Variants in MROH1 observed in about 807,000 individuals in gnomAD.
The protein encoded by MROH1 is maestro heat-like repeat-containing protein family member 1.
MROH1 carries 117 observed loss-of-function variants against 116.5 expected under a neutral mutation model. The observed-to-expected ratio is 1.00, with a 90% CI of 0.86 to 1.17. The LOEUF (loss-of-function observed/expected upper bound fraction) is 1.17. Ranked by LOEUF, MROH1 falls within the 50% of genes most tolerant of loss-of-function variation. MROH1 has a pLI of 0.00. For missense variants in MROH1, 1,873 were observed against 1,338.5 expected (o/e 1.40, Z -6.23); for synonymous variants, 921 against 583.9 (o/e 1.58, Z -8.32).
intron 1 of MROH1, among the ~76,000 whole-genome samples, chr8:144,159,944 A>C (rs1229548635): frequency 1.3e-5 from 2 of 151,690 alleles, no homozygotes; most frequent in Admixed American, 1.3e-4. Flanking sequence ...AATTTATTGT[A>C]TTTTTTAGTA....
At chr8:144,245,464 C>A (rs887058240) in intron 29 of MROH1, among the ~76,000 whole-genome samples, 12 of 152,250 alleles carry the variant, frequency 7.9e-5, no homozygotes, top group Non-Finnish European at 1.5e-4. Context: ...CAGGGGTCCA[C>A]TGTTAGCCGG....
At chr8:144,247,219 C>T in intron 29 of MROH1, 82 bp from the exon 30 acceptor site, 1 of 716,998 alleles carries the variant, frequency 1.4e-6, no homozygotes, top group East Asian at 2.6e-5. Context: ...GGCCACACTC[C>T]AGCCCTCCTC....
intron 12 of MROH1, among the ~76,000 whole-genome samples, chr8:144,206,114 A>T (rs1394096355): frequency 6.6e-6 from 1 of 152,226 alleles, no homozygotes; most frequent in Non-Finnish European, 1.5e-5. Context: ...CGGTGGCACG[A>T]TCACAGCTCA....
chr8:144,164,422 A>AG (rs1462010700), intron 3 of MROH1, among the ~76,000 whole-genome samples: 2 of 151,548 alleles, frequency 1.3e-5, no homozygotes, highest in East Asian at 1.9e-4. Context: ...AAAAAAAAAA[A>AG]AAGACAGGGT....
intron 4 of MROH1, among the ~76,000 whole-genome samples, chr8:144,174,032 C>A (rs1328237116): frequency 6.6e-6 from 1 of 152,160 alleles, no homozygotes; most frequent in East Asian, 1.9e-4. Flanking sequence ...AGGCCACCTC[C>A]CCTCTGCCAA....
intron 1 of MROH1, among the ~76,000 whole-genome samples, chr8:144,157,205 C>T (rs1193605031): frequency 6.6e-6 from 1 of 152,112 alleles, no homozygotes; most frequent in Non-Finnish European, 1.5e-5. Flanking sequence ...ATCCGCCTGC[C>T]TCAGCCTCCC....
chr8:144,200,415 C>T lies in MROH1; in HGVS notation c.1028-13C>T, dbSNP rs755333856. On this transcript the variant is annotated splice_polypyrimidine_tract_variant and intron_variant, in intron 11 of 43. Transcript: ENST00000326134. The stretch of plus-strand genomic sequence containing the variant: ...GATGACATGGAGCCTAATCTGTACC[C>T]GTTGCCCTGTAGCCTGCAGCTCGCC... 1.5e-5 allele frequency: 23 copies of T among 1,541,250 alleles called. No homozygotes were observed. Among genetic ancestry groups the T allele is most frequent in the East Asian group, 2.4e-5 (1 of 40,874 alleles).
chr8:144,186,504 GC>G, intron 7 of MROH1, among the ~76,000 whole-genome samples: 1 of 152,154 alleles, frequency 6.6e-6, no homozygotes, highest in East Asian at 1.9e-4. Flanking sequence ...CCCCGTCCAT[GC>G]CCCTGCTGCT....
intron 4 of MROH1, among the ~76,000 whole-genome samples, chr8:144,169,495 C>T (rs376125122): frequency 6.6e-5 from 10 of 150,868 alleles, no homozygotes; most frequent in Admixed American, 3.9e-4. Flanking sequence ...CTCTGTTGCC[C>T]GGGCTGGAGT....
Position 144,168,299 on chromosome 8 carries a change from G to A in MROH1, c.27G>A (p.Leu9=), listed in dbSNP as rs953302210. 3.1e-6 allele frequency: 5 copies of A among 1,601,036 alleles called. No individual in the cohort carries two copies. Among genetic ancestry groups the A allele is most frequent in the African/African-American group, 2.7e-5 (2 of 74,782 alleles). The change falls in exon 4 of 44, where the codon CTG becomes CTA. Residue 9 remains leucine, a synonymous_variant. Coordinates refer to ENST00000326134, the MANE Select transcript of MROH1 (RefSeq NM_032450.3). ...AACCAGGCTTTGTCGCTGCAGAGCT[G>A]GCCTCCACCCTGCTGGACGCCATCA... is the stretch of plus-strand genomic sequence containing the variant. MTESSMKK[L]ASTLLDAITD...
Position 144,190,810 on chromosome 8 carries a change from C to T in MROH1, c.589C>T (p.Leu197=), listed in dbSNP as rs755436727. ...SALQRFSEGA[L]EYLANLDRAP... ...TCTGCAGCGCTTCAGCGAGGGTGCC[C>T]TGGAGTACCTAGCCAACCTGGACCG... The change falls in exon 8 of 44, where the codon CTG becomes TTG. Residue 197 remains leucine, a synonymous_variant. Transcript: ENST00000326134. 1.9e-6 allele frequency: 3 copies of T among 1,613,674 alleles called. No homozygotes were observed. Among genetic ancestry groups the T allele is most frequent in the East Asian group, 4.5e-5 (2 of 44,872 alleles).
At chr8:144,250,678 C>G (rs1842706635) in intron 33 of MROH1, 1 of 459,544 alleles carries the variant, frequency 2.2e-6, no homozygotes, top group East Asian at 4.3e-5. Flanking sequence ...CTGTTGGCCC[C>G]AGGCTCCAGC....
At chr8:144,240,941 C>G (rs1840874960) in intron 20 of MROH1, 51 bp from the exon 21 acceptor site, 1 of 717,880 alleles carries the variant, frequency 1.4e-6, no homozygotes, top group South Asian at 1.5e-5. Flanking sequence ...AGCGCTGGGT[C>G]TCCCTGTACT....
chr8:144,228,435 C>T (rs746240481), intron 14 of MROH1, among the ~76,000 whole-genome samples: 3 of 152,166 alleles, frequency 2.0e-5, no homozygotes, highest in East Asian at 1.9e-4. Flanking sequence ...CTGATCAGGG[C>T]GGTGGTTGCT....
intron 12 of MROH1, among the ~76,000 whole-genome samples, chr8:144,202,309 A>G (rs1462707019): frequency 6.7e-6 from 1 of 149,322 alleles, no homozygotes; most frequent in Admixed American, 6.6e-5. Flanking sequence ...TTGGGAAGGC[A>G]GCGACCCGCT....
chr8:144,213,929 G>GT (rs1203333946), intron 12 of MROH1: 1 of 149,982 alleles, frequency 6.7e-6, no homozygotes, highest in African/African-American at 2.5e-5. Flanking sequence ...AGATGCCATG[G>GT]GGTTTTTTTT....
Position 144,192,393 on chromosome 8 carries a change from C to A in MROH1, c.940C>A (p.His314Asn). Residue 314 changes from histidine (H) to asparagine (N), a missense_variant, in exon 10 of 44, where the codon CAC becomes AAC. Physicochemically the swap from His to Asn is moderately conservative, Grantham distance 68. Transcript: ENST00000326134. ...TQLDALLAALHSQICVPVESS... is the reference protein window; with the variant it reads ...TQLDALLAALNSQICVPVESS... ...GCTGGATGCCCTCTTGGCTGCACTG[C>A]ACTCCCAGGTAGGAGGCGGGCGTCA... 1 of 1,589,748 alleles carries A rather than the reference C, an allele frequency of 6.3e-7. No homozygotes were observed. Among genetic ancestry groups the A allele is most frequent in the Non-Finnish European group, 8.5e-7 (1 of 1,172,160 alleles).
At chr8:144,196,558 T>C (rs1829953171) in intron 10 of MROH1, among the ~76,000 whole-genome samples, 2 of 151,428 alleles carry the variant, frequency 1.3e-5, no homozygotes, top group Non-Finnish European at 2.9e-5. Flanking sequence ...GGTTTCACTA[T>C]TTTGGCCAGG....
rs529130611 is a variant in MROH1, at chr8:144,159,916, C to A, written c.-176-1054C>A. Among the ~76,000 whole-genome samples the A allele has an allele frequency of 1.4e-4, 22 of 152,098 alleles. No individual in the cohort carries two copies. The South Asian group carries it at 2.7e-3, about 19-fold the overall frequency. On this transcript the variant is annotated intron_variant, in intron 1 of 43. Transcript: ENST00000326134. The stretch of plus-strand genomic sequence containing the variant: ...CTGAGTAGCTGGGACTACAGGGGCC[C>A]GCCACCACACCCCGTCTAATTTATT...
Sources: gnomAD v4.1 joint callset for allele counts (sites outside exome capture counted in the v4.1 genomes callset) on GRCh38, gnomAD v4.1.1 for gene constraint, MANE v1.5 for transcripts, NCBI Gene and HGNC (gene_info 2026-07-23, HGNC 2026-07-21) for gene names.